The following RIMS2 variants were observed in gnomAD, a reference collection of about 807,000 sequenced individuals.
The protein encoded by RIMS2 is regulating synaptic membrane exocytosis protein 2.
Under a neutral mutation model 174.4 loss-of-function variants are expected in RIMS2, and 59 were observed. The observed-to-expected ratio is 0.34, with a 90% CI of 0.27 to 0.42. The LOEUF is 0.42. Ranked by LOEUF, RIMS2 falls within the 10% of genes least tolerant of loss-of-function variation. The pLI, the probability that RIMS2 is intolerant of heterozygous loss-of-function variation, is 1.00. For synonymous variants in RIMS2, 606 were observed against 572.5 expected (o/e 1.06, Z -0.84); for missense variants, 1,620 against 1,666.3 (o/e 0.97, Z 0.48).
intron 19 of RIMS2, among the ~76,000 whole-genome samples, chr8:104,233,479 A>G (rs956281734): frequency 6.6e-6 from 1 of 152,214 alleles, no homozygotes; most frequent in Non-Finnish European, 1.5e-5. Flanking sequence ...TGTAGGAGTT[A>G]TCAATCTCAC....
At chr8:104,195,843 G>A (rs183026306) in intron 19 of RIMS2, among the ~76,000 whole-genome samples, 1 of 152,062 alleles carries the variant, frequency 6.6e-6, no homozygotes, top group East Asian at 1.9e-4. Context: ...TTATGGCTGG[G>A]CCCAATAATT....
intron 1 of RIMS2, among the ~76,000 whole-genome samples, 174 bp from the exon 3 acceptor site, chr8:103,652,450 T>C (rs2096468225): frequency 6.6e-6 from 1 of 152,154 alleles, no homozygotes; most frequent in Non-Finnish European, 1.5e-5. Flanking sequence ...TGTGGACTAG[T>C]TAAGTGTTCA....
intron 19 of RIMS2, among the ~76,000 whole-genome samples, chr8:104,017,334 C>T (rs1289164903): frequency 1.3e-5 from 2 of 151,660 alleles, no homozygotes; most frequent in African/African-American, 2.4e-5. Flanking sequence ...TATTTATTTT[C>T]AAATCCTTTT....
intron 3 of RIMS2, among the ~76,000 whole-genome samples, chr8:103,846,310 T>C (rs2098967728): frequency 6.6e-6 from 1 of 152,142 alleles, no homozygotes; most frequent in Admixed American, 6.6e-5. Flanking sequence ...CAGGTGCATA[T>C]GCTTTATAGT....
At chr8:103,908,321 G>A (rs563272866) in intron 4 of RIMS2, among the ~76,000 whole-genome samples, 110 of 152,238 alleles carry the variant, frequency 7.2e-4, no homozygotes, top group Admixed American at 1.6e-3. Context: ...GATTACAGGC[G>A]TGAGCCACCA....
chr8:104,041,672 A>G (rs1467582267), intron 19 of RIMS2, among the ~76,000 whole-genome samples: 1 of 151,684 alleles, frequency 6.6e-6, no homozygotes, highest in East Asian at 1.9e-4. Context: ...ACACACACAT[A>G]TGTTTGGTTT....
At chr8:103,783,907 C>G (rs1476273841) in intron 3 of RIMS2, among the ~76,000 whole-genome samples, 1 of 152,110 alleles carries the variant, frequency 6.6e-6, no homozygotes, top group Admixed American at 6.6e-5. Context: ...GTCCCTATTT[C>G]TCCACATCCT....
At chr8:104,061,349 C>G (rs575455625) in intron 19 of RIMS2, among the ~76,000 whole-genome samples, 1 of 151,950 alleles carries the variant, frequency 6.6e-6, no homozygotes, top group Non-Finnish European at 1.5e-5. Flanking sequence ...CTCTTTTGAT[C>G]TTTGTTGGTT....
intron 1 of RIMS2, among the ~76,000 whole-genome samples, chr8:103,567,779 C>T (rs972251845): frequency 1.3e-5 from 2 of 152,176 alleles, no homozygotes; most frequent in Non-Finnish European, 2.9e-5. Flanking sequence ...TTCCCACCAG[C>T]AATGTGTGAG....
intron 16 of RIMS2, among the ~76,000 whole-genome samples, chr8:103,986,909 AC>A (rs1380364729): frequency 6.6e-6 from 1 of 151,678 alleles, no homozygotes; most frequent in Non-Finnish European, 1.5e-5. Flanking sequence ...TAAAAAAAAA[AC>A]AACCAGCAAA....
intron 3 of RIMS2, among the ~76,000 whole-genome samples, chr8:103,844,334 C>G (rs1446842008): frequency 1.3e-5 from 2 of 152,110 alleles, no homozygotes; most frequent in Non-Finnish European, 2.9e-5. Context: ...AGCCTCTAGT[C>G]CCTTGTATTT....
At chr8:104,012,432 C>T (rs1449896772) in intron 17 of RIMS2, among the ~76,000 whole-genome samples, 1 of 150,256 alleles carries the variant, frequency 6.7e-6, no homozygotes, top group Non-Finnish European at 1.5e-5. Flanking sequence ...AAGTGGATGT[C>T]ATTGAAACAT....
At chr8:104,206,207 G>A (rs1035713979) in intron 19 of RIMS2, among the ~76,000 whole-genome samples, 7 of 152,148 alleles carry the variant, frequency 4.6e-5, no homozygotes, top group Non-Finnish European at 8.8e-5. Context: ...GTCACAGAGA[G>A]GGGTTATTGA....
chr8:103,556,888 T>C (rs1396544794), intron 1 of RIMS2, among the ~76,000 whole-genome samples: 1 of 152,162 alleles, frequency 6.6e-6, no homozygotes, highest in Non-Finnish European at 1.5e-5. Context: ...TGCAACATTA[T>C]AGCATTTTAT....
At chr8:104,079,598 GATATATATAT>G (rs5893676) in intron 19 of RIMS2, among the ~76,000 whole-genome samples, 2,358 of 50,956 alleles carry the variant, frequency 0.046, 55 homozygotes, top group Admixed American at 0.083. Context: ...GATTAAGCAT[GATATATATAT>G]ATATATATAT....
At chr8:104,254,186 A>T (rs1296118518), downstream of RIMS2, 1 of 132,060 alleles carries the variant, frequency 7.6e-6, no homozygotes, top group African/African-American at 3.1e-5. Flanking sequence ...ATTATGCAGT[A>T]TTTATTTAAA....
At chr8:103,842,513 T>G (rs1395252686) in intron 3 of RIMS2, among the ~76,000 whole-genome samples, 2 of 152,148 alleles carry the variant, frequency 1.3e-5, no homozygotes, top group Non-Finnish European at 2.9e-5. Flanking sequence ...TATTACTGCT[T>G]CTTACTGCTT....
intron 19 of RIMS2, among the ~76,000 whole-genome samples, chr8:104,047,614 A>C (rs2096716591): frequency 6.6e-6 from 1 of 152,188 alleles, no homozygotes; most frequent in Non-Finnish European, 1.5e-5. Flanking sequence ...AGTACAGAGC[A>C]AGCACCATAA....
At chr8:103,615,327 T>TA (rs2095480110) in intron 1 of RIMS2, among the ~76,000 whole-genome samples, 1 of 152,030 alleles carries the variant, frequency 6.6e-6, no homozygotes, top group African/African-American at 2.4e-5. Flanking sequence ...TCTTTGAAAA[T>TA]AATGAGAACA....
Sources: allele counts gnomAD v4.1 joint callset (sites outside exome capture counted in the v4.1 genomes callset), GRCh38; gene constraint gnomAD v4.1.1; transcripts MANE v1.5; gene names NCBI Gene and HGNC (gene_info 2026-07-23, HGNC 2026-07-21).